Variants in CAMK1D observed in about 807,000 individuals in gnomAD.
CAMK1D encodes calcium/calmodulin-dependent protein kinase type 1D.
Under a neutral mutation model 47.7 loss-of-function variants are expected in CAMK1D, and 9 were observed. That is an observed-to-expected ratio of 0.19 (90% confidence interval 0.11 to 0.33). The LOEUF (loss-of-function observed/expected upper bound fraction) is 0.33. Among genes scored for constraint, CAMK1D ranks in the 10% least tolerant of loss-of-function variants. The pLI, the probability that CAMK1D is intolerant of heterozygous loss-of-function variation, is 1.00. For synonymous variants in CAMK1D, 184 were observed against 184.9 expected (o/e 0.99, Z 0.04); for missense variants, 291 against 488.7 (o/e 0.60, Z 3.81).
chr10:12,530,049 G>A (rs1293170383), intron 1 of CAMK1D, among the ~76,000 whole-genome samples: 1 of 152,222 alleles, frequency 6.6e-6, no homozygotes, highest in African/African-American at 2.4e-5. Flanking sequence ...TGATGTGCTT[G>A]TGATATACGT....
At chr10:12,364,337 G>T (rs1837772271) in intron 1 of CAMK1D, among the ~76,000 whole-genome samples, 1 of 149,008 alleles carries the variant, frequency 6.7e-6, no homozygotes, top group Admixed American at 6.8e-5. Flanking sequence ...CGCCTTCTGG[G>T]TTCAAGCAAT....
intron 1 of CAMK1D, among the ~76,000 whole-genome samples, chr10:12,464,687 T>C (rs1588515039): frequency 6.6e-6 from 1 of 151,956 alleles, no homozygotes; most frequent in East Asian, 1.9e-4. Flanking sequence ...TGGTGGCGGG[T>C]ACCTGTAGTC....
intron 1 of CAMK1D, among the ~76,000 whole-genome samples, chr10:12,467,308 A>G (rs1833621467): frequency 6.6e-6 from 1 of 152,100 alleles, no homozygotes; most frequent in African/African-American, 2.4e-5. Flanking sequence ...AGCTGCCACA[A>G]TGCCTGGCTA....
intron 3 of CAMK1D, among the ~76,000 whole-genome samples, chr10:12,721,805 A>G (rs1376951460): frequency 6.6e-6 from 1 of 152,176 alleles, no homozygotes; most frequent in African/African-American, 2.4e-5. Flanking sequence ...CCTTTGATAG[A>G]CAAGCACTGG....
chr10:12,613,882 A>G (rs2132418375), intron 2 of CAMK1D, among the ~76,000 whole-genome samples: 1 of 152,328 alleles, frequency 6.6e-6, no homozygotes, highest in African/African-American at 2.4e-5. Context: ...CCGATTGTAC[A>G]GGGAAGAAAA....
intron 2 of CAMK1D, among the ~76,000 whole-genome samples, chr10:12,628,535 G>T (rs1839289472): frequency 6.6e-6 from 1 of 152,146 alleles, no homozygotes; most frequent in Non-Finnish European, 1.5e-5. Context: ...TTAACATCTT[G>T]AATTAGGGTG....
At chr10:12,357,087 G>A (rs1338436757) in intron 1 of CAMK1D, among the ~76,000 whole-genome samples, 1 of 151,968 alleles carries the variant, frequency 6.6e-6, no homozygotes, top group Non-Finnish European at 1.5e-5. Flanking sequence ...CCTCTGGGAG[G>A]GCTTAGGCAT....
chr10:12,827,631 T>C (rs1470202853), intron 10 of CAMK1D, among the ~76,000 whole-genome samples: 3 of 65,240 alleles, frequency 4.6e-5, no homozygotes, highest in Admixed American at 4.2e-4. Flanking sequence ...TCCTCTCTCC[T>C]CTCTCCCCTC....
chr10:12,614,289 T>G (rs1440820869), intron 2 of CAMK1D, among the ~76,000 whole-genome samples: 1 of 152,244 alleles, frequency 6.6e-6, no homozygotes. Context: ...AAGTGTTCAC[T>G]TGGTGTTGTC....
chr10:12,459,155 A>G (rs1833349571), intron 1 of CAMK1D, among the ~76,000 whole-genome samples: 1 of 152,222 alleles, frequency 6.6e-6, no homozygotes, highest in Non-Finnish European at 1.5e-5. Context: ...CTGGGATTAC[A>G]GGCGTGAGCC....
At chr10:12,407,223 A>C (rs1178418469) in intron 1 of CAMK1D, among the ~76,000 whole-genome samples, 2 of 152,238 alleles carry the variant, frequency 1.3e-5, no homozygotes, top group African/African-American at 4.8e-5. Flanking sequence ...AACCCAGGGC[A>C]GGAGGCCTGG....
At chr10:12,541,560 C>T (rs760833967) in intron 1 of CAMK1D, among the ~76,000 whole-genome samples, 2 of 152,058 alleles carry the variant, frequency 1.3e-5, no homozygotes, top group African/African-American at 2.4e-5. Flanking sequence ...AGGGTTTCAC[C>T]ATGTTGGTCA....
chr10:12,712,869 C>T (rs1833988619), intron 3 of CAMK1D, among the ~76,000 whole-genome samples: 1 of 152,046 alleles, frequency 6.6e-6, no homozygotes, highest in Admixed American at 6.6e-5. Context: ...AGTAAAGCAG[C>T]GAAGGGGAGG....
Position 12,734,422 on chromosome 10 carries a change from G to A in CAMK1D, c.300-26526G>A, listed in dbSNP as rs867374655. Among the ~76,000 whole-genome samples, 43 of 5,188 alleles carry A rather than the reference G, an allele frequency of 8.3e-3. 2 individuals carry two copies. Among genetic ancestry groups the A allele is most frequent in the South Asian group, 0.08 (4 of 50 alleles). The allele number at this position is 5,188 out of a possible 152,430, so 3.4% of individuals were successfully genotyped here. A position where few individuals can be genotyped will look rare whatever the true frequency, so the allele number is the denominator to read the frequency against. ...TATATATATACACACACACACACAT[G>A]TATATATATATACACACACACATAT... On this transcript the variant is annotated intron_variant, in intron 3 of 10. Transcript: ENST00000619168.
intron 5 of CAMK1D, among the ~76,000 whole-genome samples, chr10:12,776,281 T>C (rs1206245018): frequency 1.3e-5 from 2 of 152,230 alleles, no homozygotes; most frequent in African/African-American, 4.8e-5. Context: ...TTGGGCCTGA[T>C]AACCCTGGGA....
At chr10:12,414,111 C>G (rs1172688662) in intron 1 of CAMK1D, among the ~76,000 whole-genome samples, 1 of 152,084 alleles carries the variant, frequency 6.6e-6, no homozygotes, top group Non-Finnish European at 1.5e-5. Flanking sequence ...CTCTGAAATC[C>G]AAAAATCTGA....
chr10:12,350,710 T>C (rs1330253587), intron 1 of CAMK1D, among the ~76,000 whole-genome samples: 8 of 152,130 alleles, frequency 5.3e-5, no homozygotes. Flanking sequence ...AGGAGTTGGG[T>C]CTTGTTTGTT....
intron 5 of CAMK1D, among the ~76,000 whole-genome samples, chr10:12,772,528 T>G (rs943854442): frequency 2.5e-4 from 38 of 152,190 alleles, no homozygotes; most frequent in Non-Finnish European, 5.3e-4. Flanking sequence ...CTTTCTAAAT[T>G]GAGTTTTACT....
At chr10:12,696,302 C>T (rs541959899) in intron 3 of CAMK1D, among the ~76,000 whole-genome samples, 3 of 151,972 alleles carry the variant, frequency 2.0e-5, no homozygotes, top group East Asian at 1.9e-4. Context: ...TTTGAGAGGC[C>T]GAGGTGGGAG....
Sources: gnomAD v4.1 joint callset for allele counts (sites outside exome capture counted in the v4.1 genomes callset) on GRCh38, gnomAD v4.1.1 for gene constraint, MANE v1.5 for transcripts, NCBI Gene and HGNC (gene_info 2026-07-23, HGNC 2026-07-21) for gene names.